PPM1H: variants seen among roughly 807,000 people sequenced by gnomAD.
PPM1H encodes the protein protein phosphatase, Mg2+/Mn2+ dependent 1H.
PPM1H carries 27 observed loss-of-function variants against 54.9 expected under a neutral mutation model. The ratio of observed to expected loss-of-function variants is 0.49; its 90% CI spans 0.36 to 0.68. The LOEUF (loss-of-function observed/expected upper bound fraction) is 0.68. PPM1H is among the 30% of genes least tolerant of loss of function. The pLI is 0.00. For missense variants in PPM1H, 596 were observed against 667.8 expected (o/e 0.89, Z 1.19); for synonymous variants, 305 against 270.8 (o/e 1.13, Z -1.24).
At chr12:62,822,729 G>A (rs1394016203) in intron 2 of PPM1H, among the ~76,000 whole-genome samples, 1 of 152,144 alleles carries the variant, frequency 6.6e-6, no homozygotes, top group Non-Finnish European at 1.5e-5. Flanking sequence ...GAATCTCTGG[G>A]ACACACTTAA....
intron 1 of PPM1H, among the ~76,000 whole-genome samples, chr12:62,900,310 C>T (rs138899456): frequency 0.011 from 1,634 of 151,730 alleles, 21 homozygotes; most frequent in Middle Eastern, 0.048. Context: ...TGATCGTTTC[C>T]AGCTTCATCC....
chr12:62,908,422 A>AAAAAAAAAAAAAAAAAAG (rs1284923713), intron 1 of PPM1H, among the ~76,000 whole-genome samples: 1 of 134,174 alleles, frequency 7.5e-6, no homozygotes, highest in Non-Finnish European at 1.6e-5. Flanking sequence ...AAAAAAAAAA[A>AAAAAAAAAAAAAAAAAAG]AAAGAAAGAA....
intron 6 of PPM1H, among the ~76,000 whole-genome samples, chr12:62,704,796 T>A (rs1025521380): frequency 6.6e-6 from 1 of 152,154 alleles, no homozygotes; most frequent in Non-Finnish European, 1.5e-5. Flanking sequence ...GGGCCCAAGC[T>A]CTGGTCCCCG....
At chr12:62,919,068 G>A (rs1045048145) in intron 1 of PPM1H, among the ~76,000 whole-genome samples, 4 of 152,096 alleles carry the variant, frequency 2.6e-5, no homozygotes, top group African/African-American at 4.8e-5. Flanking sequence ...TTTGCCAAAG[G>A]GTCAAACTCT....
intron 2 of PPM1H, among the ~76,000 whole-genome samples, chr12:62,827,234 G>A (rs73130089): frequency 0.088 from 13,374 of 152,132 alleles, 653 homozygotes; most frequent in Middle Eastern, 0.13. Context: ...TTACCATCCA[G>A]TGGTCCACTT....
intron 1 of PPM1H, among the ~76,000 whole-genome samples, chr12:62,871,312 T>C (rs971729441): frequency 6.6e-6 from 1 of 152,090 alleles, no homozygotes; most frequent in African/African-American, 2.4e-5. Context: ...TATGAGTCTA[T>C]TTATATGAAA....
intron 2 of PPM1H, among the ~76,000 whole-genome samples, chr12:62,805,555 G>T (rs2120761074): frequency 6.6e-6 from 1 of 152,256 alleles, no homozygotes; most frequent in Non-Finnish European, 1.5e-5. Context: ...GCAACAACAT[G>T]AATGAACCTG....
chr12:62,859,619 T>C (rs1869525077), intron 1 of PPM1H, among the ~76,000 whole-genome samples: 2 of 152,208 alleles, frequency 1.3e-5, no homozygotes, highest in Admixed American at 1.3e-4. Flanking sequence ...TACTGCTTAT[T>C]GTCTTATGGA....
intron 1 of PPM1H, among the ~76,000 whole-genome samples, chr12:62,894,661 T>C (rs1870919129): frequency 6.6e-6 from 1 of 152,230 alleles, no homozygotes; most frequent in Non-Finnish European, 1.5e-5. Flanking sequence ...ACTGGACAAA[T>C]GGTAGGCATA....
intron 6 of PPM1H, among the ~76,000 whole-genome samples, chr12:62,703,764 A>G (rs1294791283): frequency 6.6e-6 from 1 of 151,226 alleles, no homozygotes; most frequent in African/African-American, 2.4e-5. Flanking sequence ...CCCCACACCC[A>G]CTCTCCTGAG....
chr12:62,852,680 T>C (rs956124391), intron 1 of PPM1H, among the ~76,000 whole-genome samples: 1 of 152,210 alleles, frequency 6.6e-6, no homozygotes, highest in African/African-American at 2.4e-5. Context: ...TGAAAGATTA[T>C]TGTCAAAAGA....
chr12:62,729,975 G>T (rs955905167), intron 5 of PPM1H, among the ~76,000 whole-genome samples: 2 of 152,082 alleles, frequency 1.3e-5, no homozygotes, highest in African/African-American at 4.8e-5. Flanking sequence ...GCCTGTTCCT[G>T]CCTTAACTGA....
At position 62,791,167 on chromosome 12, in the gene PPM1H, C is replaced by T. The variant is rs12298713; in HGVS notation, c.757-2829G>A. Among the ~76,000 whole-genome samples the T allele has an allele frequency of 4.1e-3, 623 of 152,208 alleles. 4 individuals are homozygous for T. Among genetic ancestry groups the T allele is most frequent in the African/African-American group, 0.014 (592 of 41,526 alleles). ...ATTCACAAATGAAAAGCTTACAATG[C>T]CAACGCTCGCTGAGATAATAATTAA... On this transcript the variant is annotated intron_variant, in intron 3 of 9. Coordinates refer to ENST00000228705, the MANE Select transcript of PPM1H (RefSeq NM_020700.2).
chr12:62,681,812 C>T (rs534628240), intron 8 of PPM1H, among the ~76,000 whole-genome samples: 67 of 152,172 alleles, frequency 4.4e-4, no homozygotes, highest in Non-Finnish European at 8.1e-4. Context: ...TAAACACCAC[C>T]GGACTCATGA....
chr12:62,799,642 T>G (rs922121604), intron 3 of PPM1H, among the ~76,000 whole-genome samples: 5 of 152,210 alleles, frequency 3.3e-5, no homozygotes, highest in Non-Finnish European at 7.3e-5. Flanking sequence ...ATTCCCTTTT[T>G]CCTAAATAAT....
At chr12:62,749,667 A>G (rs2076430660) in intron 4 of PPM1H, among the ~76,000 whole-genome samples, 1 of 152,202 alleles carries the variant, frequency 6.6e-6, no homozygotes, top group African/African-American at 2.4e-5. Flanking sequence ...TTGTCATTCA[A>G]TTTTCAGAAT....
chr12:62,820,022 A>T (rs1234913616), intron 2 of PPM1H, among the ~76,000 whole-genome samples: 1 of 152,246 alleles, frequency 6.6e-6, no homozygotes, highest in Non-Finnish European at 1.5e-5. Flanking sequence ...TTTCCCAGCC[A>T]AGGGAATCCA....
intron 1 of PPM1H, among the ~76,000 whole-genome samples, chr12:62,865,434 T>C (rs1370177232): frequency 4.6e-5 from 7 of 152,226 alleles, no homozygotes. Context: ...GTTCAGCTCC[T>C]AGTTTTGACC....
At chr12:62,718,540 A>G (rs1214504242) in intron 6 of PPM1H, among the ~76,000 whole-genome samples, 3 of 151,950 alleles carry the variant, frequency 2.0e-5, no homozygotes, top group Non-Finnish European at 2.9e-5. Flanking sequence ...TTTCCCTATC[A>G]TGTTCCCTCA....
Sources: allele counts gnomAD v4.1 joint callset (sites outside exome capture counted in the v4.1 genomes callset), GRCh38; gene constraint gnomAD v4.1.1; transcripts MANE v1.5; gene names NCBI Gene and HGNC (gene_info 2026-07-23, HGNC 2026-07-21).